EPHA3: variants seen among roughly 807,000 people sequenced by gnomAD.
EPHA3 encodes EPH receptor A3.
In EPHA3, 42 loss-of-function variants were observed where a neutral mutation model predicts 107.1. The ratio of observed to expected loss-of-function variants is 0.39; its 90% CI spans 0.31 to 0.51. The LOEUF (loss-of-function observed/expected upper bound fraction) is 0.51, where lower values mean the gene tolerates loss of function less well. EPHA3 is among the 20% of genes least tolerant of loss of function. EPHA3 has a pLI of 0.78. For missense variants in EPHA3, 1,183 were observed against 1,211.2 expected, an observed-to-expected ratio of 0.98 and a Z score of 0.35; for synonymous variants, 461 against 424.8, an observed-to-expected ratio of 1.09 and a Z score of -1.05.
chr3:89,345,820 T>C (rs1240783515), intron 5 of EPHA3, among the ~76,000 whole-genome samples: 2 of 120,470 alleles, frequency 1.7e-5, no homozygotes, highest in East Asian at 5.0e-4. Flanking sequence ...CCTGTGTCCA[T>C]GTGATCTCAT....
intron 3 of EPHA3, among the ~76,000 whole-genome samples, chr3:89,246,854 G>A (rs1186657299): frequency 6.6e-6 from 1 of 152,038 alleles, no homozygotes; most frequent in African/African-American, 2.4e-5. Context: ...TGGAAGTAAG[G>A]TTGGTTTAAT....
At chr3:89,301,260 G>A (rs1177849629) in intron 3 of EPHA3, among the ~76,000 whole-genome samples, 2 of 152,068 alleles carry the variant, frequency 1.3e-5, no homozygotes, top group Non-Finnish European at 2.9e-5. Context: ...AACATTGTAG[G>A]ACGAATGTAC....
chr3:89,221,940 TA>T (rs1704386849), intron 3 of EPHA3, among the ~76,000 whole-genome samples: 1 of 152,080 alleles, frequency 6.6e-6, no homozygotes, highest in African/African-American at 2.4e-5. Flanking sequence ...AATGGTGGTA[TA>T]AAAAGGCAAA....
At chr3:89,206,225 G>A (rs760886473) in intron 2 of EPHA3, among the ~76,000 whole-genome samples, 4 of 152,106 alleles carry the variant, frequency 2.6e-5, no homozygotes, top group Non-Finnish European at 4.4e-5. Context: ...TTCTTGCAAT[G>A]TACACCTCTG....
In EPHA3 at chr3:89,419,176, C is replaced by T. The variant is rs531809512; in HGVS notation, c.1889-29C>T. ...TGAATTTTTATTATAGAATTCCTTA[C>T]ATTTTGTTGCTGTTCTGCTTTATAA... On this transcript the variant is annotated intron_variant, in intron 10 of 16. Transcript: ENST00000336596. 5 of 1,535,720 alleles carry T rather than the reference C, an allele frequency of 3.3e-6. No individual in the cohort carries two copies. In the South Asian group the frequency reaches 6.3e-5, roughly 19 times the overall value.
At chr3:89,417,417 G>A (rs146135739) in intron 10 of EPHA3, among the ~76,000 whole-genome samples, 180 of 151,590 alleles carry the variant, frequency 1.2e-3, no homozygotes, top group African/African-American at 4.1e-3. Flanking sequence ...ATTATACCAT[G>A]TTGATGTATG....
At chr3:89,407,556 C>A (rs1189239545) in intron 8 of EPHA3, among the ~76,000 whole-genome samples, 185 bp downstream of exon 8, 1 of 152,100 alleles carries the variant, frequency 6.6e-6, no homozygotes, top group Non-Finnish European at 1.5e-5. Flanking sequence ...TTTTGATTTT[C>A]TGCTCTACAT....
rs1399174201 is a variant in EPHA3 at position 89,347,459 on chromosome 3, G to A, written c.1306+5369G>A. On this transcript the variant is annotated intron_variant, in intron 5 of 16. Coordinates refer to ENST00000336596, the MANE Select transcript of EPHA3 (RefSeq NM_005233.6). ...AGAATGCTTGTGATTTTTGCACATT[G>A]ATTTTGTATCCTGAGACTTTGCTGA... Among the ~76,000 whole-genome samples the A allele has an allele frequency of 5.3e-4, 79 of 149,508 alleles. 2 individuals are homozygous for A. The highest frequency in any genetic ancestry group is 1.8e-3 in the African/African-American group (73 of 41,018).
chr3:89,245,530 A>C (rs902107624), intron 3 of EPHA3, among the ~76,000 whole-genome samples: 2 of 152,228 alleles, frequency 1.3e-5, no homozygotes, highest in Non-Finnish European at 2.9e-5. Context: ...GCTTGATTTC[A>C]TAAAAAGAGA....
chr3:89,251,001 T>C (rs1330849485), intron 3 of EPHA3, among the ~76,000 whole-genome samples: 1 of 152,172 alleles, frequency 6.6e-6, no homozygotes, highest in Non-Finnish European at 1.5e-5. Context: ...TTCATGGAAC[T>C]GCTAGAAACA....
chr3:89,166,888 A>G (rs1705084310), intron 2 of EPHA3, among the ~76,000 whole-genome samples: 1 of 152,160 alleles, frequency 6.6e-6, no homozygotes, highest in Non-Finnish European at 1.5e-5. Flanking sequence ...ACAGCAACCC[A>G]GCAAGTATGA....
chr3:89,169,291 G>C (rs975645368), intron 2 of EPHA3, among the ~76,000 whole-genome samples: 2 of 151,926 alleles, frequency 1.3e-5, no homozygotes, highest in Non-Finnish European at 2.9e-5. Context: ...CACATTTGCA[G>C]TAAAATTTTT....
chr3:89,202,629 T>C (rs1706001092), intron 2 of EPHA3, among the ~76,000 whole-genome samples: 1 of 151,056 alleles, frequency 6.6e-6, no homozygotes, highest in East Asian at 1.9e-4. Flanking sequence ...CATATAAATA[T>C]TTAATATGTC....
chr3:89,460,958 C>A (rs1423446976), intron 15 of EPHA3, among the ~76,000 whole-genome samples: 23 of 125,266 alleles, frequency 1.8e-4, no homozygotes, highest in Non-Finnish European at 2.9e-4. Flanking sequence ...GTATATCTCC[C>A]AATGCTATCC....
In EPHA3 at chr3:89,354,472, GA is replaced by G. The variant is rs576081940; in HGVS notation, c.1306+12392del. Among the ~76,000 whole-genome samples the G allele has an allele frequency of 7.6e-4, 110 of 144,584 alleles. 5 individuals are homozygous for G. Among genetic ancestry groups the G allele is most frequent in the Admixed American group, 2.1e-3 (31 of 14,430 alleles). 94.9% of individuals were successfully genotyped at this position (144,584 alleles called of 152,430 possible). On this transcript the variant is annotated intron_variant, in intron 5 of 16. Coordinates refer to ENST00000336596, the MANE Select transcript of EPHA3 (RefSeq NM_005233.6). ...TCAATATAGTACCAGTGTTCAAATA[GA>G]AAAAAAAAATACATCCCTTTCTTAA...
intron 2 of EPHA3, among the ~76,000 whole-genome samples, chr3:89,191,496 C>A (rs1705717037): frequency 6.6e-6 from 1 of 151,636 alleles, no homozygotes; most frequent in African/African-American, 2.4e-5. Flanking sequence ...TTAGTAGAGA[C>A]GGGGTTTCAC....
At chr3:89,411,093 C>A (rs543538837) in intron 9 of EPHA3, among the ~76,000 whole-genome samples, 1 of 151,516 alleles carries the variant, frequency 6.6e-6, no homozygotes, top group South Asian at 2.1e-4. Context: ...CTCATTAGGG[C>A]AATGAGCTCT....
intron 5 of EPHA3, among the ~76,000 whole-genome samples, chr3:89,351,146 C>T: frequency 6.6e-6 from 1 of 151,426 alleles, no homozygotes; most frequent in South Asian, 2.1e-4. Flanking sequence ...GGGCTCCACC[C>T]AGTTCGAGCT....
chr3:89,340,894 AAG>A lies in EPHA3; in HGVS notation c.815-17_815-16del, dbSNP rs1559653510. 6.3e-7 allele frequency: 1 copy of A among 1,579,542 alleles called. No individual in the cohort carries two copies. The highest frequency in any genetic ancestry group is 8.6e-7 in the Non-Finnish European group (1 of 1,165,582). ...CAAAAAAATTATCACAGACTTTTAA[AAG>A]AGAGTCATTTTGTTTGTAGCTTGTC... On this transcript the variant is annotated intron_variant, in intron 3 of 16. Coordinates refer to ENST00000336596, the MANE Select transcript of EPHA3 (RefSeq NM_005233.6).
Sources: gnomAD v4.1 joint callset for allele counts (sites outside exome capture counted in the v4.1 genomes callset) on GRCh38, gnomAD v4.1.1 for gene constraint, MANE v1.5 for transcripts, NCBI Gene and HGNC (gene_info 2026-07-23, HGNC 2026-07-21) for gene names.